Variants in SOS2 observed in about 807,000 individuals in gnomAD.
The protein encoded by SOS2 is SOS Ras/Rho guanine nucleotide exchange factor 2.
SOS2 carries 65 observed loss-of-function variants against 148.2 expected under a neutral mutation model. The observed-to-expected ratio is 0.44, with a 90% confidence interval of 0.36 to 0.54. The LOEUF is 0.54. Ranked by LOEUF, SOS2 falls within the 20% of genes least tolerant of loss-of-function variation. The pLI is 0.00. For synonymous variants in SOS2, 539 were observed against 537.1 expected (o/e 1.00, Z -0.05); for missense variants, 1,341 against 1,590.2 (o/e 0.84, Z 2.67).
intron 21 of SOS2, among the ~76,000 whole-genome samples, chr14:50,122,619 A>T (rs1883553872): frequency 6.6e-6 from 1 of 152,104 alleles, no homozygotes; most frequent in African/African-American, 2.4e-5. Flanking sequence ...GAATGATGGG[A>T]AAGCTATGAG....
At chr14:50,185,342 T>C (rs1366139507) in intron 5 of SOS2, among the ~76,000 whole-genome samples, 1 of 152,060 alleles carries the variant, frequency 6.6e-6, no homozygotes, top group Non-Finnish European at 1.5e-5. Context: ...TACTTTGGTG[T>C]ATGGGGAAAA....
rs10658395 is a variant in SOS2, at chr14:50,118,856, C to CAA, written c.3490-5_3490-4dup. The CAA allele has an allele frequency of 0.051, 58,054 of 1,134,490 alleles. 378 individuals are homozygous for CAA. Among genetic ancestry groups the CAA allele is most frequent in the Non-Finnish European group, 0.059 (50,942 of 864,100 alleles). 70.3% of individuals were successfully genotyped at this position (1,134,490 alleles called of 1,614,324 possible). On this transcript the variant is annotated splice_polypyrimidine_tract_variant and splice_region_variant and intron_variant, in intron 22 of 22. Coordinates refer to ENST00000216373, the MANE Select transcript of SOS2 (RefSeq NM_006939.4). ...TCATCATCAGATTTCATATTTCCCT[C>CAA]AAAAAAAAAAGTAATTAAATTATAC...
Position 50,161,565 on chromosome 14 carries a change from C to G in SOS2, c.1113G>C (p.Leu371Phe). The G allele has an allele frequency of 1.2e-6, 2 of 1,612,912 alleles. No individual in the cohort carries two copies. Among genetic ancestry groups the G allele is most frequent in the Non-Finnish European group, 1.7e-6 (2 of 1,179,082 alleles). ...TCATGAGAGCAGTAATAGCTTGGTT[C>G]AAACATTCTCTGTCTTCTTGTTCTT... ...CSEEQEDREC[L>F]NQAITALMNL... The change falls in exon 9 of 23, where the codon TTG becomes TTC. Residue 371 changes from leucine (L) to phenylalanine (F), a missense_variant. By Grantham distance (22) the Leu-to-Phe change is conservative (BLOSUM62 0). Coordinates refer to ENST00000216373, the MANE Select transcript of SOS2 (RefSeq NM_006939.4).
chr14:50,167,552 T>C (rs1325377491), intron 8 of SOS2, among the ~76,000 whole-genome samples: 3 of 147,498 alleles, frequency 2.0e-5, no homozygotes, highest in Admixed American at 6.7e-5. Context: ...ACAGGAATGA[T>C]AACAAGCAAA....
intron 4 of SOS2, among the ~76,000 whole-genome samples, chr14:50,189,830 T>G (rs538641545): frequency 7.5e-4 from 109 of 145,672 alleles, no homozygotes; most frequent in Non-Finnish European, 1.4e-3. Context: ...AAAAAGAAAG[T>G]TGACTATACT....
At chr14:50,212,615 A>G (rs779429251) in intron 1 of SOS2, among the ~76,000 whole-genome samples, 1 of 152,236 alleles carries the variant, frequency 6.6e-6, no homozygotes, top group Non-Finnish European at 1.5e-5. Flanking sequence ...TATCCTTTAC[A>G]CATTTTCTGA....
chr14:50,166,115 GA>G (rs1265274415), intron 8 of SOS2, among the ~76,000 whole-genome samples: 2 of 152,082 alleles, frequency 1.3e-5, no homozygotes, highest in Admixed American at 6.6e-5. Context: ...CTGAGTTTAA[GA>G]AATAAAATGA....
chr14:50,138,940 A>G lies in SOS2; in HGVS notation c.2786-156T>C, dbSNP rs567803402. ...AATGTTAAGTCTCTGATAAACAATCATTAACTCTCCATTAAGCATTTTTTA... is the reference window on the plus strand; with the variant it reads ...AATGTTAAGTCTCTGATAAACAATCGTTAACTCTCCATTAAGCATTTTTTA... On this transcript the variant is annotated intron_variant, in intron 17 of 22. Coordinates refer to ENST00000216373, the MANE Select transcript of SOS2 (RefSeq NM_006939.4). 2.0e-5 allele frequency among the ~76,000 whole-genome samples: 3 copies of G among 152,232 alleles called. No homozygotes were observed. The East Asian group carries it at 5.8e-4, about 29-fold the overall frequency.
chr14:50,175,525 A>G (rs1246202824), intron 7 of SOS2, among the ~76,000 whole-genome samples: 1 of 151,582 alleles, frequency 6.6e-6, no homozygotes, highest in Admixed American at 6.6e-5. Flanking sequence ...AAAAGGTAAC[A>G]AGTAAGAGAC....
chr14:50,199,900 A>T (rs1886431145), intron 3 of SOS2, 45 bp from the exon 4 acceptor site: 1 of 1,244,786 alleles, frequency 8.0e-7, no homozygotes, highest in Non-Finnish European at 1.1e-6. Flanking sequence ...TAGCACTGTC[A>T]AGTATTACAC....
intron 5 of SOS2, 46 bp downstream of exon 5, chr14:50,188,451 T>G: frequency 8.1e-7 from 1 of 1,241,830 alleles, no homozygotes; most frequent in Non-Finnish European, 1.2e-6. Flanking sequence ...TAAGCTGGTC[T>G]GGTTTTTTGG....
At chr14:50,153,224 C>T (rs745587681) in intron 12 of SOS2, 51 bp from the exon 13 acceptor site, 2 of 1,000,304 alleles carry the variant, frequency 2.0e-6, no homozygotes, top group East Asian at 2.4e-5. Flanking sequence ...TGTTCAATTA[C>T]ACTTCTTCCT....
chr14:50,210,509 A>G (rs1191858777), intron 1 of SOS2, among the ~76,000 whole-genome samples: 2 of 152,320 alleles, frequency 1.3e-5, no homozygotes, highest in East Asian at 3.9e-4. Flanking sequence ...GACACAAAAA[A>G]TTACTAGCTA....
rs80326567 is a variant in SOS2 at position 50,212,158 on chromosome 14, C to T, written c.88-7749G>A. On this transcript the variant is annotated intron_variant, in intron 1 of 22. Transcript: ENST00000216373. Reference sequence around the variant, plus strand: ...TTAAACAATGGTGTTAAGGGATACACGCTGAGATGGAAAAACTATTAAGAA... The same window carrying T: ...TTAAACAATGGTGTTAAGGGATACATGCTGAGATGGAAAAACTATTAAGAA... 6.8e-4 allele frequency among the ~76,000 whole-genome samples: 103 copies of T among 152,330 alleles called. 3 individuals are homozygous for T. The East Asian group carries it at 0.016, about 24-fold the overall frequency.
intron 1 of SOS2, among the ~76,000 whole-genome samples, chr14:50,205,060 G>A (rs907703761): frequency 1.3e-5 from 2 of 151,808 alleles, no homozygotes; most frequent in African/African-American, 4.8e-5. Flanking sequence ...TTTGTTGAAA[G>A]AAATTTAAAA....
At chr14:50,149,721 C>T (rs1884602854) in intron 14 of SOS2, among the ~76,000 whole-genome samples, 2 of 152,114 alleles carry the variant, frequency 1.3e-5, no homozygotes, top group South Asian at 4.1e-4. Context: ...GACTGACTGA[C>T]CTCAAACTAA....
At chr14:50,140,248 C>A (rs900561039) in intron 16 of SOS2, among the ~76,000 whole-genome samples, 189 bp from the exon 17 acceptor site, 11 of 152,104 alleles carry the variant, frequency 7.2e-5, no homozygotes, top group African/African-American at 2.7e-4. Flanking sequence ...AAATATAAAA[C>A]CCATAATTTA....
intron 1 of SOS2, among the ~76,000 whole-genome samples, chr14:50,224,283 T>C (rs1887286113): frequency 9.8e-6 from 1 of 102,056 alleles, no homozygotes; most frequent in African/African-American, 4.0e-5. Context: ...AGAGCAAGAC[T>C]CCGTCTCAGG....
intron 7 of SOS2, among the ~76,000 whole-genome samples, chr14:50,176,828 G>A (rs1010735467): frequency 3.9e-5 from 6 of 152,164 alleles, no homozygotes; most frequent in Admixed American, 6.5e-5. Context: ...TGGCCAACAT[G>A]GGGAAACCCC....
Sources: allele counts gnomAD v4.1 joint callset (sites outside exome capture counted in the v4.1 genomes callset), GRCh38; gene constraint gnomAD v4.1.1; transcripts MANE v1.5; gene names NCBI Gene and HGNC (gene_info 2026-07-23, HGNC 2026-07-21).